The following PLCB4 variants were observed in gnomAD, a reference collection of about 807,000 sequenced individuals.
PLCB4 encodes the protein phospholipase C beta 4.
In PLCB4, 77 loss-of-function variants were observed where a neutral mutation model predicts 178.8. The ratio of observed to expected loss-of-function variants is 0.43; its 90% CI spans 0.36 to 0.52. PLCB4 has a LOEUF of 0.52. PLCB4 is among the 20% of genes least tolerant of loss of function. The pLI, the probability that PLCB4 is intolerant of heterozygous loss-of-function variation, is 0.00. For missense variants in PLCB4, 1,024 were observed against 1,453.4 expected (o/e 0.70, Z 4.80); for synonymous variants, 496 against 490.8 (o/e 1.01, Z -0.14).
intron 14 of PLCB4, among the ~76,000 whole-genome samples, chr20:9,386,024 T>G (rs939093738): frequency 6.6e-6 from 1 of 152,136 alleles, no homozygotes; most frequent in Non-Finnish European, 1.5e-5. Context: ...AGGCCGAGGC[T>G]GGCAGACCAC....
chr20:9,092,301 T>C (rs1394944821), intron 1 of PLCB4, among the ~76,000 whole-genome samples: 3 of 152,196 alleles, frequency 2.0e-5, no homozygotes, highest in African/African-American at 7.2e-5. Context: ...ATTGTTAATA[T>C]CAGAATGTAA....
intron 19 of PLCB4, among the ~76,000 whole-genome samples, chr20:9,397,199 G>T (rs1295250542): frequency 3.3e-5 from 5 of 152,172 alleles, no homozygotes; most frequent in Admixed American, 1.3e-4. Flanking sequence ...ACCTGGAGTA[G>T]ATTCCATCTC....
chr20:9,433,752 A>G (rs1334506692), intron 28 of PLCB4, among the ~76,000 whole-genome samples: 1 of 152,236 alleles, frequency 6.6e-6, no homozygotes, highest in Non-Finnish European at 1.5e-5. Flanking sequence ...TAACTTGCCA[A>G]AAATAATTGT....
At chr20:9,079,533 G>A (rs1002367807) in intron 1 of PLCB4, among the ~76,000 whole-genome samples, 7 of 152,102 alleles carry the variant, frequency 4.6e-5, no homozygotes, top group East Asian at 1.9e-4. Context: ...TCCATTAGCC[G>A]AACCCAGACA....
chr20:9,460,326 C>A (rs1226910603), intron 35 of PLCB4, among the ~76,000 whole-genome samples: 4 of 152,124 alleles, frequency 2.6e-5, no homozygotes, highest in Admixed American at 6.5e-5. Flanking sequence ...GATCTGGAGT[C>A]TCTTAGGTAG....
At chr20:9,127,592 GC>G (rs2092149816) in intron 2 of PLCB4, among the ~76,000 whole-genome samples, 1 of 151,942 alleles carries the variant, frequency 6.6e-6, no homozygotes, top group Non-Finnish European at 1.5e-5. Context: ...CAGGTGCCCT[GC>G]CCATACTACT....
At chr20:9,398,273 C>T (rs997408779) in intron 19 of PLCB4, among the ~76,000 whole-genome samples, 2 of 152,134 alleles carry the variant, frequency 1.3e-5, no homozygotes, top group Non-Finnish European at 2.9e-5. Flanking sequence ...GACAAGGTCA[C>T]GTTGCATAAG....
At chr20:9,388,590 C>T (rs922230606) in intron 15 of PLCB4, among the ~76,000 whole-genome samples, 3 of 152,102 alleles carry the variant, frequency 2.0e-5, no homozygotes, top group Non-Finnish European at 2.9e-5. Flanking sequence ...TGGTGGCATG[C>T]ACCTGTAATC....
intron 2 of PLCB4, among the ~76,000 whole-genome samples, chr20:9,134,423 T>A (rs1346655208): frequency 6.6e-6 from 1 of 152,166 alleles, no homozygotes; most frequent in East Asian, 1.9e-4. Context: ...AATATGTAAC[T>A]TTTTGGTAAA....
At chr20:9,384,107 C>A in intron 13 of PLCB4, 94 bp from the exon 14 acceptor site, 1 of 935,720 alleles carries the variant, frequency 1.1e-6, no homozygotes, top group Non-Finnish European at 1.7e-6. Flanking sequence ...CGTTTTTACT[C>A]TTATAATTTA....
intron 1 of PLCB4, among the ~76,000 whole-genome samples, chr20:9,073,427 T>C (rs892167579): frequency 2.0e-5 from 3 of 152,162 alleles, no homozygotes; most frequent in Non-Finnish European, 2.9e-5. Context: ...CAAGTGACAA[T>C]TGGGGCAGGT....
At chr20:9,478,576 G>A (rs1330664760) in intron 39 of PLCB4, among the ~76,000 whole-genome samples, 1 of 152,168 alleles carries the variant, frequency 6.6e-6, no homozygotes, top group African/African-American at 2.4e-5. Flanking sequence ...AAATCAAACA[G>A]TTTGTGGTAT....
At chr20:9,166,918 C>CT (rs2092982791) in intron 2 of PLCB4, among the ~76,000 whole-genome samples, 1 of 151,974 alleles carries the variant, frequency 6.6e-6, no homozygotes, top group Non-Finnish European at 1.5e-5. Flanking sequence ...TTTATTATTA[C>CT]TTTTTTCTTT....
At chr20:9,331,072 C>A (rs77140505) in intron 4 of PLCB4, among the ~76,000 whole-genome samples, 1 of 152,290 alleles carries the variant, frequency 6.6e-6, no homozygotes, top group African/African-American at 2.4e-5. Context: ...AGAATAACTG[C>A]AAGATTCTCC....
At chr20:9,196,542 A>G (rs2093474602) in intron 2 of PLCB4, among the ~76,000 whole-genome samples, 1 of 152,202 alleles carries the variant, frequency 6.6e-6, no homozygotes, top group African/African-American at 2.4e-5. Flanking sequence ...TTCAGAATTC[A>G]GGCTATGGAA....
intron 2 of PLCB4, among the ~76,000 whole-genome samples, chr20:9,127,511 A>G (rs1485504182): frequency 6.6e-6 from 1 of 152,098 alleles, no homozygotes; most frequent in African/African-American, 2.4e-5. Context: ...CCAGATTTCT[A>G]TGGATGGTTT....
intron 2 of PLCB4, among the ~76,000 whole-genome samples, chr20:9,136,478 A>G (rs888717067): frequency 1.3e-5 from 2 of 152,098 alleles, no homozygotes; most frequent in African/African-American, 4.8e-5. Context: ...TTTATTTACC[A>G]GCTCCTAGGT....
At chr20:9,171,838 C>G (rs2093068866) in intron 2 of PLCB4, among the ~76,000 whole-genome samples, 1 of 151,972 alleles carries the variant, frequency 6.6e-6, no homozygotes, top group Non-Finnish European at 1.5e-5. Flanking sequence ...CTATTTCCCC[C>G]CTCCTCATAA....
intron 25 of PLCB4, among the ~76,000 whole-genome samples, chr20:9,416,150 C>G (rs925543039): frequency 1.3e-5 from 2 of 152,206 alleles, no homozygotes; most frequent in Non-Finnish European, 2.9e-5. Flanking sequence ...TTTCTTGCCC[C>G]TTTCCCCTGC....
Sources: allele counts gnomAD v4.1 joint callset (sites outside exome capture counted in the v4.1 genomes callset), GRCh38; gene constraint gnomAD v4.1.1; transcripts MANE v1.5; gene names NCBI Gene and HGNC (gene_info 2026-07-23, HGNC 2026-07-21).